Variants in MTHFD1L observed in about 807,000 individuals in gnomAD.
The protein encoded by MTHFD1L is monofunctional C1-tetrahydrofolate synthase, mitochondrial.
In MTHFD1L, 81 loss-of-function variants were observed where a neutral mutation model predicts 119.5. That is an observed-to-expected ratio of 0.68 (90% CI 0.57 to 0.82). MTHFD1L has a LOEUF of 0.82. MTHFD1L is among the 40% of genes least tolerant of loss of function. The probability of loss-of-function intolerance (pLI) is 0.00; values close to 1 mark genes in which losing one functional copy is unlikely to be tolerated. For missense variants in MTHFD1L, 1,125 were observed against 1,253.4 expected (o/e 0.90, Z 1.55); for synonymous variants, 430 against 475.2 (o/e 0.90, Z 1.24).
intron 24 of MTHFD1L, among the ~76,000 whole-genome samples, chr6:151,016,276 C>T (rs1368569627): frequency 6.6e-6 from 1 of 152,002 alleles, no homozygotes; most frequent in Non-Finnish European, 1.5e-5. Context: ...TGCACAGGAA[C>T]AAGAGCAATT....
In MTHFD1L at chr6:150,883,135, C is replaced by T. The variant is rs908837269; in HGVS notation, c.542+249C>T. ...ACAACCTCCATCTCCTGGGTTCAAG[C>T]GATTTTCCTGCCTCAGCCTCCTGAG... On this transcript the variant is annotated intron_variant, in intron 5 of 27. Coordinates refer to ENST00000367321, the MANE Select transcript of MTHFD1L (RefSeq NM_015440.5). Among the ~76,000 whole-genome samples the T allele has an allele frequency of 7.2e-5, 11 of 151,726 alleles. No individual in the cohort carries two copies. In the East Asian group the frequency reaches 1.7e-3, roughly 24 times the overall value.
At chr6:150,976,583 T>C (rs1191427849) in intron 20 of MTHFD1L, among the ~76,000 whole-genome samples, 1 of 152,208 alleles carries the variant, frequency 6.6e-6, no homozygotes, top group South Asian at 2.1e-4. Flanking sequence ...TAGTAGACTA[T>C]CTTTATGACC....
At chr6:151,006,377 C>T (rs377188458) in intron 20 of MTHFD1L, among the ~76,000 whole-genome samples, 7 of 152,216 alleles carry the variant, frequency 4.6e-5, no homozygotes, top group African/African-American at 1.7e-4. Context: ...AGTATGTGGG[C>T]TGTGCCGGAA....
At chr6:150,959,289 A>C in intron 17 of MTHFD1L, 1 of 757,504 alleles carries the variant, frequency 1.3e-6, no homozygotes, top group Non-Finnish European at 1.6e-6. Flanking sequence ...AGGTGATCCC[A>C]CCAGGGCACA....
intron 7 of MTHFD1L, among the ~76,000 whole-genome samples, chr6:150,894,207 A>G (rs1330297759): frequency 6.6e-6 from 1 of 152,096 alleles, no homozygotes; most frequent in Non-Finnish European, 1.5e-5. Flanking sequence ...CCGCACTGCA[A>G]CCTGGAGTGC....
chr6:150,924,594 G>T (rs534964098), intron 10 of MTHFD1L, among the ~76,000 whole-genome samples: 1 of 151,948 alleles, frequency 6.6e-6, no homozygotes, highest in African/African-American at 2.4e-5. Context: ...GTCCTGCCTC[G>T]GCCTCCCGAG....
At chr6:151,084,430 C>G (rs1793521491) in intron 26 of MTHFD1L, among the ~76,000 whole-genome samples, 1 of 152,038 alleles carries the variant, frequency 6.6e-6, no homozygotes, top group Non-Finnish European at 1.5e-5. Context: ...AATGTAATAC[C>G]TGGGGTCGGG....
At chr6:150,965,420 T>G (rs1624160) in intron 19 of MTHFD1L, among the ~76,000 whole-genome samples, 71,458 of 151,588 alleles carry the variant, frequency 0.47, 17,728 homozygotes, top group South Asian at 0.59. Flanking sequence ...CAGCACTTTG[T>G]GAGGCCGAGG....
intron 20 of MTHFD1L, among the ~76,000 whole-genome samples, chr6:151,003,944 A>G (rs1197803722): frequency 6.7e-6 from 1 of 149,948 alleles, no homozygotes; most frequent in African/African-American, 2.4e-5. Flanking sequence ...ACATAGCTGT[A>G]GGGTTTTATG....
At chr6:151,057,844 T>C (rs1790169184) in intron 26 of MTHFD1L, among the ~76,000 whole-genome samples, 1 of 152,198 alleles carries the variant, frequency 6.6e-6, no homozygotes, top group African/African-American at 2.4e-5. Flanking sequence ...AGTGGTGCCA[T>C]CTCGGCTCAC....
At chr6:151,051,099 C>A (rs1260510531) in intron 26 of MTHFD1L, among the ~76,000 whole-genome samples, 1 of 152,170 alleles carries the variant, frequency 6.6e-6, no homozygotes, top group African/African-American at 2.4e-5. Flanking sequence ...CTGAGGCTAG[C>A]TGGAGGCCCA....
chr6:150,906,956 A>G (rs175863), intron 8 of MTHFD1L, among the ~76,000 whole-genome samples: 104,815 of 151,550 alleles, frequency 0.69, 37,425 homozygotes, highest in African/African-American at 0.86. Flanking sequence ...GAAAGCATGT[A>G]CTAAATAACA....
Position 150,926,367 on chromosome 6 carries a change from C to T in MTHFD1L, c.1256+72C>T. 1 of 1,303,260 alleles carries T rather than the reference C, an allele frequency of 7.7e-7. No homozygotes were observed. Among genetic ancestry groups the T allele is most frequent in the Admixed American group, 2.0e-5 (1 of 50,770 alleles). 80.7% of individuals were successfully genotyped at this position (1,303,260 alleles called of 1,614,324 possible). A position where few individuals can be genotyped will look rare whatever the true frequency, so the allele number is the denominator to read the frequency against. On this transcript the variant is annotated intron_variant, in intron 11 of 27. Coordinates refer to ENST00000367321, the MANE Select transcript of MTHFD1L (RefSeq NM_015440.5). This position sits in a 1 kb window ranked among gnomAD's most constrained non-coding sequence, Gnocchi z 4.3. ...AAACTCTTCCCTATTTATCTCTCTCCTCGTACCCCTCAATCCATCCTATTC... is the reference window on the plus strand; with the variant it reads ...AAACTCTTCCCTATTTATCTCTCTCTTCGTACCCCTCAATCCATCCTATTC...
chr6:150,958,348 G>A (rs559365169), intron 17 of MTHFD1L, among the ~76,000 whole-genome samples: 1 of 152,246 alleles, frequency 6.6e-6, no homozygotes, highest in South Asian at 2.1e-4. Flanking sequence ...AACATGTAGA[G>A]TGTTTGCAGT....
chr6:150,870,299 A>G (rs1779180200), intron 1 of MTHFD1L, among the ~76,000 whole-genome samples: 1 of 152,224 alleles, frequency 6.6e-6, no homozygotes, highest in South Asian at 2.1e-4. Flanking sequence ...TATTGAGCCT[A>G]ATGACTCCTT....
At chr6:150,921,855 G>C (rs1039667719) in intron 9 of MTHFD1L, among the ~76,000 whole-genome samples, 3 of 152,308 alleles carry the variant, frequency 2.0e-5, no homozygotes, top group Admixed American at 1.3e-4. Flanking sequence ...ATTCATTGCT[G>C]TAAGTATGAA....
At chr6:150,878,624 C>T (rs1780866365) in intron 4 of MTHFD1L, among the ~76,000 whole-genome samples, 3 of 152,144 alleles carry the variant, frequency 2.0e-5, no homozygotes, top group South Asian at 2.1e-4. Flanking sequence ...ATCACCAAGT[C>T]GCAGGAGCTC....
intron 26 of MTHFD1L, among the ~76,000 whole-genome samples, chr6:151,059,947 G>A (rs1209692039): frequency 3.3e-5 from 5 of 152,210 alleles, no homozygotes; most frequent in Non-Finnish European, 7.3e-5. Context: ...GCGGGTACAA[G>A]AGAGACTTGA....
chr6:150,905,852 A>G, intron 8 of MTHFD1L, 91 bp downstream of exon 8: 2 of 1,029,832 alleles, frequency 1.9e-6, no homozygotes, highest in Admixed American at 3.6e-5. Flanking sequence ...TGTTTCTGAA[A>G]TGTTAGCAGT....
Sources: allele counts gnomAD v4.1 joint callset (sites outside exome capture counted in the v4.1 genomes callset), GRCh38; gene constraint gnomAD v4.1.1; non-coding constraint Gnocchi (gnomAD v3.1); transcripts MANE v1.5; gene names NCBI Gene and HGNC (gene_info 2026-07-23, HGNC 2026-07-21).